Variants in DNAJC13 observed in about 807,000 individuals in gnomAD.
The protein encoded by DNAJC13 is DnaJ heat shock protein family (Hsp40) member C13, also known as dnaJ homolog subfamily C member 13.
A neutral mutation model predicts 290.5 loss-of-function variants in DNAJC13; 75 were observed. The ratio of observed to expected loss-of-function variants is 0.26; its 90% CI spans 0.21 to 0.31. DNAJC13 has a LOEUF of 0.31. Ranked by LOEUF, DNAJC13 falls within the 10% of genes least tolerant of loss-of-function variation. DNAJC13 has a pLI of 1.00. For synonymous variants in DNAJC13, 862 were observed against 892.0 expected, an observed-to-expected ratio of 0.97 and a Z score of 0.60; for missense variants, 2,260 against 2,674.5, an observed-to-expected ratio of 0.85 and a Z score of 3.42.
At chr3:132,494,576 G>A (rs1935171199) in intron 34 of DNAJC13, among the ~76,000 whole-genome samples, 1 of 151,988 alleles carries the variant, frequency 6.6e-6, no homozygotes, top group Non-Finnish European at 1.5e-5. Context: ...TTTGTAATTT[G>A]TATTATGCAT....
At position 132,488,372 on chromosome 3, in the gene DNAJC13, A is replaced by G. The variant is rs1157736297; in HGVS notation, c.3342A>G (p.Pro1114=). Residue 1114 remains proline, a synonymous_variant, in exon 30 of 56, where the codon CCA becomes CCG. Coordinates refer to ENST00000260818, the MANE Select transcript of DNAJC13 (RefSeq NM_015268.4). ...TATACCATATCATGCAAGATAACCC[A>G]CAGTTACCCCGCCTTTATCTGAGTG... The part of the protein sequence containing the change: ...ILLYHIMQDN[P]QLPRLYLSGV... 2 of 1,613,660 alleles carry G rather than the reference A, an allele frequency of 1.2e-6. No homozygotes were observed. Among genetic ancestry groups the G allele is most frequent in the Admixed American group, 3.3e-5 (2 of 59,990 alleles).
In DNAJC13 at chr3:132,511,084, T is replaced by G. The variant is rs1477966404; in HGVS notation, c.5133T>G (p.Ala1711=). The G allele has an allele frequency of 6.2e-7, 1 of 1,613,828 alleles. No homozygotes were observed. Among genetic ancestry groups the G allele is most frequent in the Admixed American group, 1.7e-5 (1 of 59,996 alleles). The change falls in exon 44 of 56, where the codon GCT becomes GCG. Residue 1711 remains alanine (A), a synonymous_variant. Coordinates refer to ENST00000260818, the MANE Select transcript of DNAJC13 (RefSeq NM_015268.4). ...TFQLEVPKAF[A]ASLLDYIGSQ... is the part of the protein sequence containing the mutation. ...TTGATTAGGTTCCAAAAGCATTTGC[T>G]GCAAGTCTCTTGGATTATATAGGCT...
rs1398134017 is a variant in DNAJC13, at chr3:132,511,047, T to C, written c.5116-20T>C. 1 of 1,610,036 alleles carries C rather than the reference T, an allele frequency of 6.2e-7. No individual in the cohort carries two copies. The highest frequency in any genetic ancestry group is 8.5e-7 in the Non-Finnish European group (1 of 1,177,370). On this transcript the variant is annotated intron_variant, in intron 43 of 55. Transcript: ENST00000260818. ...TCTTAGGGCACCCATGTTGTTTAAA[T>C]ACTTGTCTGCATTGATTAGGTTCCA...
At chr3:132,529,982 C>T (rs1215263449) in intron 54 of DNAJC13, among the ~76,000 whole-genome samples, 1 of 152,134 alleles carries the variant, frequency 6.6e-6, no homozygotes, top group Non-Finnish European at 1.5e-5. Context: ...TTGTCTTTGA[C>T]TTGCCTCAGG....
rs1378474482 is a variant in DNAJC13 at position 132,473,179 on chromosome 3, G to C, written c.2243G>C (p.Arg748Thr). Residue 748 changes from arginine to threonine, a missense_variant, in exon 21 of 56, where the codon AGA becomes ACA. By Grantham distance (71) the Arg-to-Thr change is moderately conservative (BLOSUM62 -1). Transcript: ENST00000260818. ...CAGAAGCCAGTGGTTCTTCGAAAGA[G>C]AAGACAAAGAATAAAAATAGAAGCA... is the stretch of plus-strand genomic sequence containing the variant. ...INQKPVVLRK[R>T]RQRIKIEANW... 6.2e-7 allele frequency: 1 copy of C among 1,611,188 alleles called. No individual in the cohort carries two copies. Among genetic ancestry groups the C allele is most frequent in the Non-Finnish European group, 8.5e-7 (1 of 1,179,068 alleles).
At chr3:132,505,175 A>T in intron 41 of DNAJC13, 127 bp from the exon 42 acceptor site, 1 of 590,664 alleles carries the variant, frequency 1.7e-6, no homozygotes, top group Non-Finnish European at 3.0e-6. Flanking sequence ...TGAGATACTT[A>T]TTATTGAGGT....
chr3:132,418,279 C>T (rs1163130209), intron 1 of DNAJC13, among the ~76,000 whole-genome samples: 1 of 152,204 alleles, frequency 6.6e-6, no homozygotes, highest in Non-Finnish European at 1.5e-5. Context: ...AAATCATTTT[C>T]TCCCCTAAGG....
rs532887967 is a variant in DNAJC13 at position 132,462,623 on chromosome 3, C to A, written c.1770+100C>A. 2.4e-3 allele frequency: 1,896 copies of A among 790,560 alleles called. 5 individuals carry two copies. Among genetic ancestry groups the A allele is most frequent in the Non-Finnish European group, 3.4e-3 (1,676 of 496,874 alleles). 49.0% of individuals were successfully genotyped at this position (790,560 alleles called of 1,614,324 possible). A position where few individuals can be genotyped will look rare whatever the true frequency, so the allele number is the denominator to read the frequency against. On this transcript the variant is annotated intron_variant, in intron 16 of 55. Transcript: ENST00000260818. The stretch of plus-strand genomic sequence containing the variant: ...CCTTTCAGTCTTTTTGGGAAATAAA[C>A]ATTTCTCTGGGTAAGAAAAGTAATT...
chr3:132,420,078 C>G (rs1457749266), intron 1 of DNAJC13, among the ~76,000 whole-genome samples: 1 of 152,198 alleles, frequency 6.6e-6, no homozygotes, highest in Admixed American at 6.5e-5. Flanking sequence ...ATTTGAGAGA[C>G]AGTGCTTACA....
chr3:132,490,911 T>C lies in DNAJC13; in HGVS notation c.3483T>C (p.Asp1161=), dbSNP rs760906155. ...TTGTTTTGAAGACAAAAGGACAAGA[T>C]ATTTTTCAGAGAAGTATACTTGGGC... The part of the protein sequence containing the change: ...AFKSEETKGQ[D]IFQRSILGHI... Residue 1161 remains aspartate (D), a synonymous_variant, in exon 32 of 56, where the codon GAT becomes GAC. Coordinates refer to ENST00000260818, the MANE Select transcript of DNAJC13 (RefSeq NM_015268.4). 55 of 1,592,052 alleles carry C rather than the reference T, an allele frequency of 3.5e-5. No homozygotes were observed. The highest frequency in any genetic ancestry group is 4.6e-5 in the Non-Finnish European group (54 of 1,172,606).
chr3:132,469,558 C>T (rs759646884), intron 20 of DNAJC13, among the ~76,000 whole-genome samples: 1 of 152,190 alleles, frequency 6.6e-6, no homozygotes, highest in African/African-American at 2.4e-5. Flanking sequence ...TTTTATTACT[C>T]TGGACTGCCA....
chr3:132,523,044 C>A (rs1936139569), intron 49 of DNAJC13, 47 bp downstream of exon 49: 1 of 1,599,884 alleles, frequency 6.3e-7, no homozygotes, highest in Admixed American at 1.7e-5. Flanking sequence ...AATAAAATCA[C>A]TGGGAAGGGC....
chr3:132,469,745 ATAAC>A (rs1202949305), intron 20 of DNAJC13, among the ~76,000 whole-genome samples: 1 of 151,998 alleles, frequency 6.6e-6, no homozygotes, highest in African/African-American at 2.4e-5. Context: ...ATTTTCTTAT[ATAAC>A]TTTTAGGGTT....
chr3:132,492,747 G>A, intron 33 of DNAJC13, 132 bp downstream of exon 33: 3 of 719,710 alleles, frequency 4.2e-6, no homozygotes, highest in East Asian at 2.6e-5. Context: ...ACTAAGCACT[G>A]TGTGACTCTG....
chr3:132,448,188 C>T (rs978152927), intron 5 of DNAJC13, among the ~76,000 whole-genome samples: 1 of 152,100 alleles, frequency 6.6e-6, no homozygotes, highest in South Asian at 2.1e-4. Flanking sequence ...GCATTAAAAG[C>T]AACACTATAA....
intron 38 of DNAJC13, 113 bp from the exon 39 acceptor site, chr3:132,500,681 G>A (rs1217165775): frequency 1.4e-5 from 20 of 1,387,776 alleles, no homozygotes; most frequent in Non-Finnish European, 1.8e-5. Context: ...TTGGAACATT[G>A]TATATACCAT....
chr3:132,483,601 A>G lies in DNAJC13; in HGVS notation c.3182+24A>G, dbSNP rs1036460459. ...AGGTAAAATGTAATTGAATGTTTCCATGGTTAATTGATATGCTTCCTTAGT... is the reference window on the plus strand; with the variant it reads ...AGGTAAAATGTAATTGAATGTTTCCGTGGTTAATTGATATGCTTCCTTAGT... On this transcript the variant is annotated intron_variant, in intron 28 of 55. Coordinates refer to ENST00000260818, the MANE Select transcript of DNAJC13 (RefSeq NM_015268.4). The G allele has an allele frequency of 5.6e-6, 9 of 1,605,370 alleles. No individual in the cohort carries two copies. The East Asian group carries it at 1.6e-4, about 28-fold the overall frequency.
At chr3:132,447,793 C>T (rs1933299839) in intron 4 of DNAJC13, 105 bp from the exon 5 acceptor site, 4 of 860,502 alleles carry the variant, frequency 4.6e-6, no homozygotes, top group South Asian at 4.6e-5. Context: ...TTTTTAGTGT[C>T]CAGGTTACCA....
chr3:132,522,004 A>G (rs1294376026), intron 48 of DNAJC13, among the ~76,000 whole-genome samples: 8 of 152,188 alleles, frequency 5.3e-5, no homozygotes, highest in Non-Finnish European at 8.8e-5. Context: ...CTAAATTTGT[A>G]GTATATCTCT....
Sources: gnomAD v4.1 joint callset for allele counts (sites outside exome capture counted in the v4.1 genomes callset) on GRCh38, gnomAD v4.1.1 for gene constraint, MANE v1.5 for transcripts, NCBI Gene and HGNC (gene_info 2026-07-23, HGNC 2026-07-21) for gene names.